OR2T35: variants seen among roughly 807,000 people sequenced by gnomAD.
OR2T35 encodes the protein olfactory receptor family 2 subfamily T member 35 (gene/pseudogene), also known as olfactory receptor 2T35.
For missense variants in OR2T35, 47 were observed against 278.8 expected (o/e 0.17, Z 5.92); for synonymous variants, 18 against 110.2 (o/e 0.16, Z 5.24).
rs1218502180 is a variant in OR2T35 at position 248,642,222 on chromosome 1, AAAAAAAAAAAAAAG to A, written c.-22-2956_-22-2943del. On this transcript the variant is annotated intron_variant, in intron 1 of 1. Transcript: ENST00000641268. ...CTTCATCAACTAGTCTTTCCAAAAA[AAAAAAAAAAAAAAG>A]AAAAAGAAAAAGAAAAAGCTTTTAT... Among the ~76,000 whole-genome samples, 19 of 54,178 alleles carry A rather than the reference AAAAAAAAAAAAAAG, an allele frequency of 3.5e-4. 3 individuals carry two copies. Among genetic ancestry groups the A allele is most frequent in the Non-Finnish European group, 8.2e-4 (17 of 20,846 alleles). The allele number at this position is 54,178 out of a possible 152,430, so 35.5% of individuals were successfully genotyped here.
chr1:248,639,416 A>G (rs1244274480), intron 1 of OR2T35, 136 bp from the exon 2 acceptor site: 11 of 656,050 alleles, frequency 1.7e-5, no homozygotes, highest in South Asian at 1.3e-4. Flanking sequence ...CCTGGGTTTC[A>G]GTATTAATGA....
intron 1 of OR2T35, among the ~76,000 whole-genome samples, chr1:248,644,093 C>T (rs75671759): frequency 0.19 from 4,506 of 23,944 alleles, 1 homozygote; most frequent in Non-Finnish European, 0.26. Flanking sequence ...ATGATATTTC[C>T]ACCACACTAC....
chr1:248,639,714 T>G (rs1165081428), intron 1 of OR2T35, among the ~76,000 whole-genome samples: 1 of 59,792 alleles, frequency 1.7e-5, no homozygotes, highest in Admixed American at 1.7e-4. Context: ...TCGAGATGAT[T>G]GTACTAGAGT....
rs1660746301 is a variant in OR2T35, at chr1:248,638,652, AGCAG to A, written c.603_606del (p.Cys202AlafsTer3). On this transcript the variant is annotated frameshift_variant, in exon 2 of 2. Coordinates refer to ENST00000641268, the MANE Select transcript of OR2T35 (RefSeq NM_001001827.2). LOFTEE classifies it low-confidence loss of function (END_TRUNC). ...AGAGGGATAAGCAGCATCAGCACGC[AGCAG>A]GCATACATCAGGGTCTCATAGAGTG... The A allele has an allele frequency of 5.2e-6, 8 of 1,549,658 alleles. 1 individual carries two copies. Among genetic ancestry groups the A allele is most frequent in the Non-Finnish European group, 7.0e-6 (8 of 1,144,646 alleles).
chr1:248,642,224 A>T lies in OR2T35; in HGVS notation c.-22-2944T>A. Among the ~76,000 whole-genome samples, 2 of 58,498 alleles carry T rather than the reference A, an allele frequency of 3.4e-5. 1 individual carries two copies. The allele number at this position is 58,498 out of a possible 152,430, so 38.4% of individuals were successfully genotyped here. Reference sequence around the variant, plus strand: ...TCATCAACTAGTCTTTCCAAAAAAAAAAAAAAAAAAAGAAAAAGAAAAAGA... The same window carrying T: ...TCATCAACTAGTCTTTCCAAAAAAATAAAAAAAAAAAGAAAAAGAAAAAGA... On this transcript the variant is annotated intron_variant, in intron 1 of 1. Coordinates refer to ENST00000641268, the MANE Select transcript of OR2T35 (RefSeq NM_001001827.2).
chr1:248,636,844 A>G lies in OR2T35; in HGVS notation c.*1443T>C, dbSNP rs1660712851. ...TGTCAACTATGTAACCGCTCTGTCC[A>G]ATGTTTTCTAAGCCTCGTATCAACA... On this transcript the variant is annotated 3_prime_UTR_variant, in exon 2 of 2. Transcript: ENST00000641268. 1.1e-4 allele frequency: 1 copy of G among 9,076 alleles called. No homozygotes were observed. Among genetic ancestry groups the G allele is most frequent in the African/African-American group, 1.3e-4 (1 of 7,816 alleles). 0.6% of individuals were successfully genotyped at this position (9,076 alleles called of 1,614,324 possible).
chr1:248,645,035 A>G, intron 1 of OR2T35, among the ~76,000 whole-genome samples: 1 of 115,436 alleles, frequency 8.7e-6, no homozygotes, highest in Non-Finnish European at 1.9e-5. Flanking sequence ...GTGGAAAAGT[A>G]GTCTACTTTC....
chr1:248,641,208 CTATTTAAA>C (rs1296954502), intron 1 of OR2T35, among the ~76,000 whole-genome samples: 1 of 4,564 alleles, frequency 2.2e-4, no homozygotes, highest in African/African-American at 2.9e-4. Flanking sequence ...GGTCAAGAGA[CTATTTAAA>C]TATACAATTC....
Position 248,641,713 on chromosome 1 carries a change from A to AG in OR2T35, c.-22-2434_-22-2433insC, listed in dbSNP as rs1553273902. On this transcript the variant is annotated intron_variant, in intron 1 of 1. Transcript: ENST00000641268. ...AGACCGTGTTAAAAAAAAAAAAAAA[A>AG]AGGTTCCTTGTGAGTGTGAGCGTTG... Among the ~76,000 whole-genome samples the AG allele has an allele frequency of 2.5e-3, 184 of 73,560 alleles. 6 individuals carry two copies. Among genetic ancestry groups the AG allele is most frequent in the African/African-American group, 5.7e-3 (175 of 30,972 alleles). The allele number at this position is 73,560 out of a possible 152,430, so 48.3% of individuals were successfully genotyped here.
At chr1:248,645,201 A>G (rs1660846878) in intron 1 of OR2T35, 46 bp downstream of exon 1, 1 of 130,940 alleles carries the variant, frequency 7.6e-6, no homozygotes, top group Admixed American at 7.9e-5. Context: ...GCCAGAAATT[A>G]GTTCAGTTTG....
chr1:248,644,183 G>A lies in OR2T35; in HGVS notation c.-23+1064C>T, dbSNP rs557436479. Among the ~76,000 whole-genome samples the A allele has an allele frequency of 2.5e-5, 3 of 120,296 alleles. 1 individual carries two copies. Among genetic ancestry groups the A allele is most frequent in the African/African-American group, 9.1e-5 (3 of 33,044 alleles). The allele number at this position is 120,296 out of a possible 152,430, so 78.9% of individuals were successfully genotyped here. On this transcript the variant is annotated intron_variant, in intron 1 of 1. Coordinates refer to ENST00000641268, the MANE Select transcript of OR2T35 (RefSeq NM_001001827.2). ...ATGGTAGATAGCAACCTGGCGGATT[G>A]CAGGTTAACTAAAACTATGGAAATG...
In OR2T35 at chr1:248,642,089, G is replaced by A. The variant is rs1660790893; in HGVS notation, c.-22-2809C>T. On this transcript the variant is annotated intron_variant, in intron 1 of 1. Transcript: ENST00000641268. ...TAGAGTTGATGCTATTTAGCATTAC[G>A]ACGTGTGGTTTGACTTATTCACACA... Among the ~76,000 whole-genome samples, 2 of 59,812 alleles carry A rather than the reference G, an allele frequency of 3.3e-5. 1 individual carries two copies. The highest frequency in any genetic ancestry group is 1.1e-3 in the South Asian group (2 of 1,770). 39.2% of individuals were successfully genotyped at this position (59,812 alleles called of 152,430 possible).
In OR2T35 at chr1:248,637,163, A is replaced by AT. The variant is rs1186672621; in HGVS notation, c.*1123dup. ...TGGTTTATTCATTCTACATTTATCT[A>AT]TTAACAATTTGAGCATAAATGGCAG... is the stretch of plus-strand genomic sequence containing the variant. On this transcript the variant is annotated 3_prime_UTR_variant, in exon 2 of 2. Coordinates refer to ENST00000641268, the MANE Select transcript of OR2T35 (RefSeq NM_001001827.2). 1 of 2,512 alleles carries AT rather than the reference A, an allele frequency of 4.0e-4. No homozygotes were observed. Among genetic ancestry groups the AT allele is most frequent in the African/African-American group, 4.5e-4 (1 of 2,214 alleles). The allele number at this position is 2,512 out of a possible 1,614,324, so 0.2% of individuals were successfully genotyped here.
At chr1:248,644,201 T>C (rs1159626913) in intron 1 of OR2T35, among the ~76,000 whole-genome samples, 2 of 115,580 alleles carry the variant, frequency 1.7e-5, no homozygotes, top group Non-Finnish European at 3.7e-5. Flanking sequence ...ACTAAAACTA[T>C]GGAAATGAAA....
rs1273856772 is a variant in OR2T35 at position 248,645,102 on chromosome 1, T to C, written c.-23+145A>G. 5.8e-5 allele frequency: 6 copies of C among 103,294 alleles called. 2 individuals carry two copies. Among genetic ancestry groups the C allele is most frequent in the Non-Finnish European group, 1.1e-4 (5 of 46,890 alleles). 6.4% of individuals were successfully genotyped at this position (103,294 alleles called of 1,614,324 possible). On this transcript the variant is annotated intron_variant, in intron 1 of 1. Transcript: ENST00000641268. ...TCAGTGTGGAAAGTTAGGCATAAGA[T>C]AGAAGAGGTTTGCTTGGCTTAAAAA...
intron 1 of OR2T35, among the ~76,000 whole-genome samples, chr1:248,639,695 G>A (rs1213305514): frequency 5.8e-5 from 4 of 69,262 alleles, no homozygotes; most frequent in Non-Finnish European, 1.4e-4. Context: ...ATTGCTCTCT[G>A]CATCTCCATC....
chr1:248,639,402 A>C, intron 1 of OR2T35, 122 bp from the exon 2 acceptor site: 1 of 622,836 alleles, frequency 1.6e-6, no homozygotes. Flanking sequence ...GGATCATTTG[A>C]AATCCTGGGT....
chr1:248,638,622 CAGAT>C lies in OR2T35; in HGVS notation c.633_636del (p.Val213SerfsTer10), dbSNP rs376728193. On this transcript the variant is annotated frameshift_variant, in exon 2 of 2. Coordinates refer to ENST00000641268, the MANE Select transcript of OR2T35 (RefSeq NM_001001827.2). LOFTEE classifies it low-confidence loss of function (END_TRUNC). ...ATGTGCGTGTAGGACACAGAGATGA[CAGAT>C]AGAGGGATAAGCAGCATCAGCACGC... The C allele has an allele frequency of 2.7e-3, 4,130 of 1,538,552 alleles. 346 individuals are homozygous for C. In the African/African-American group the frequency reaches 0.045, roughly 17 times the overall value.
chr1:248,645,214 G>A (rs1364264279), intron 1 of OR2T35, 33 bp downstream of exon 1: 46 of 125,318 alleles, frequency 3.7e-4, no homozygotes, highest in African/African-American at 1.2e-3. Flanking sequence ...TCAGTTTGAT[G>A]AATACAGGTT....
Sources: allele counts gnomAD v4.1 joint callset (sites outside exome capture counted in the v4.1 genomes callset), GRCh38; gene constraint gnomAD v4.1.1; transcripts MANE v1.5; gene names NCBI Gene and HGNC (gene_info 2026-07-23, HGNC 2026-07-21).